The following KCNH4 variants were observed in gnomAD, a reference collection of about 807,000 sequenced individuals.
KCNH4 encodes the protein potassium voltage-gated channel subfamily H member 4.
KCNH4 carries 33 observed loss-of-function variants against 90.7 expected under a neutral mutation model. The observed-to-expected ratio is 0.36, with a 90% CI of 0.28 to 0.49. The LOEUF (loss-of-function observed/expected upper bound fraction) is 0.49, where lower values mean the gene tolerates loss of function less well. KCNH4 is among the 20% of genes least tolerant of loss of function. The pLI is 0.98. For synonymous variants in KCNH4, 551 were observed against 581.7 expected (o/e 0.95, Z 0.76); for missense variants, 1,044 against 1,387.1 (o/e 0.75, Z 3.93).
chr17:42,175,305 T>A (rs1008910095), intron 6 of KCNH4, among the ~76,000 whole-genome samples: 1 of 152,248 alleles, frequency 6.6e-6, no homozygotes, highest in African/African-American at 2.4e-5. Flanking sequence ...TACCACTCAT[T>A]TGGCATCAGA....
At chr17:42,164,065 G>T in intron 12 of KCNH4, 65 bp downstream of exon 12, 1 of 1,528,324 alleles carries the variant, frequency 6.5e-7, no homozygotes, top group African/African-American at 1.4e-5. Flanking sequence ...TGGAAAGGGG[G>T]ATGCTGCTAC....
chr17:42,180,953 G>A lies in KCNH4; in HGVS notation c.-8C>T. ...CCCCTTCATGACCGGCATGGCCCCG[G>A]GGCGTGGGTTCAAGGCGCGGCGCTG... On this transcript the variant is annotated 5_prime_UTR_variant, in exon 1 of 17. Transcript: ENST00000264661. This position sits in a 1 kb window ranked among gnomAD's most constrained non-coding sequence, Gnocchi z 4.7. 6.2e-7 allele frequency: 1 copy of A among 1,611,580 alleles called. No individual in the cohort carries two copies. Among genetic ancestry groups the A allele is most frequent in the Non-Finnish European group, 8.5e-7 (1 of 1,178,896 alleles).
rs375144149 is a variant in KCNH4, at chr17:42,180,989, A to G, written c.-44T>C. 36 of 1,583,056 alleles carry G rather than the reference A, an allele frequency of 2.3e-5. No homozygotes were observed. Among genetic ancestry groups the G allele is most frequent in the Non-Finnish European group, 2.9e-5 (34 of 1,160,040 alleles). On this transcript the variant is annotated 5_prime_UTR_variant, in exon 1 of 17. An upstream open reading frame in the 5' UTR loses its in-frame stop. Transcript: ENST00000264661. This position sits in a 1 kb window ranked among gnomAD's most constrained non-coding sequence, Gnocchi z 4.7. ...CAAGGCGCGGCGCTGGGGAGCTTTC[A>G]GCGCGGCCGGGCCGGAGGGGGCGCG...
At chr17:42,169,369 C>A in intron 9 of KCNH4, 108 bp downstream of exon 9, 1 of 1,055,082 alleles carries the variant, frequency 9.5e-7, no homozygotes, top group Non-Finnish European at 1.4e-6. Context: ...TGTGAGCAGC[C>A]GAGTTCGGCC....
Position 42,163,995 on chromosome 17 carries a change from T to G in KCNH4, c.2125-37A>C. On this transcript the variant is annotated intron_variant, in intron 12 of 16. Coordinates refer to ENST00000264661, the MANE Select transcript of KCNH4 (RefSeq NM_012285.3). This position sits in a 1 kb window ranked among gnomAD's most constrained non-coding sequence, Gnocchi z 5.4. ...GGGGGCAGCTGATGTCGCAGGACAG[T>G]GAACAACAGACCCCTTCATTAAGTA... 2 of 1,503,008 alleles carry G rather than the reference T, an allele frequency of 1.3e-6. No homozygotes were observed. The highest frequency in any genetic ancestry group is 1.8e-6 in the Non-Finnish European group (2 of 1,119,270). The allele number at this position is 1,503,008 out of a possible 1,614,324, so 93.1% of individuals were successfully genotyped here.
At chr17:42,167,213 GGCTT>G (rs2079794176) in intron 9 of KCNH4, among the ~76,000 whole-genome samples, 1 of 152,054 alleles carries the variant, frequency 6.6e-6, no homozygotes, top group South Asian at 2.1e-4. Flanking sequence ...CTGGCCCCAT[GGCTT>G]CCCTACTACC....
At chr17:42,161,722 G>A (rs376885244) in intron 15 of KCNH4, among the ~76,000 whole-genome samples, 9 of 152,312 alleles carry the variant, frequency 5.9e-5, no homozygotes, top group East Asian at 5.8e-4. Context: ...GAGCCAGTCG[G>A]GGAGGAAGGA....
chr17:42,180,969 C>A lies in KCNH4; in HGVS notation c.-24G>T, dbSNP rs375792699. On this transcript the variant is annotated 5_prime_UTR_variant, in exon 1 of 17. Coordinates refer to ENST00000264661, the MANE Select transcript of KCNH4 (RefSeq NM_012285.3). The surrounding 1 kb of genome is among the most constrained non-coding windows in gnomAD (Gnocchi z 4.7). ...ATGGCCCCGGGGCGTGGGTTCAAGG[C>A]GCGGCGCTGGGGAGCTTTCAGCGCG... The A allele has an allele frequency of 1.1e-5, 17 of 1,608,174 alleles. No individual in the cohort carries two copies. In the African/African-American group the frequency reaches 1.9e-4, roughly 18 times the overall value.
intron 9 of KCNH4, among the ~76,000 whole-genome samples, chr17:42,166,981 A>G (rs1288175313): frequency 3.9e-5 from 6 of 152,130 alleles, no homozygotes; most frequent in African/African-American, 1.4e-4. Flanking sequence ...GACCATGGGC[A>G]CTACCAATGA....
rs772738223 is a variant in KCNH4, at chr17:42,160,389, C to T, written c.2705G>A (p.Arg902Gln). 5.6e-6 allele frequency: 9 copies of T among 1,612,262 alleles called. No homozygotes were observed. Among genetic ancestry groups the T allele is most frequent in the South Asian group, 1.1e-5 (1 of 90,990 alleles). The change falls in exon 16 of 17, where the codon CGG becomes CAG. Residue 902 changes from arginine to glutamine, a missense_variant. Arg to Gln is a conservative substitution (Grantham distance 43). Transcript: ENST00000264661. Reference sequence around the variant, plus strand: ...GGCCTGCAGCAGGCCCATGATGTGCCGCAGCTCCCGGCTAAGCTGAGACAC... The same window carrying T: ...GGCCTGCAGCAGGCCCATGATGTGCTGCAGCTCCCGGCTAAGCTGAGACAC... The part of the protein sequence containing the change: ...QEVSQLSREL[R>Q]HIMGLLQARL...
At chr17:42,167,937 T>C (rs1598271880) in intron 9 of KCNH4, among the ~76,000 whole-genome samples, 2 of 152,308 alleles carry the variant, frequency 1.3e-5, no homozygotes, top group East Asian at 3.9e-4. Flanking sequence ...CTGCCCTGCC[T>C]TCTCCCTCCG....
In KCNH4 at chr17:42,178,874, C is replaced by T. The variant is rs1229134183; in HGVS notation, c.229G>A (p.Glu77Lys). ...CRFLYGPETSEPALQRLHKAL... is the reference protein window; with the variant it reads ...CRFLYGPETSKPALQRLHKAL... Reference sequence around the variant, plus strand: ...TTGTGCAGACGCTGCAGGGCTGGCTCACTGGTCTCTGGGCCGTAGAGGAAA... The same window carrying T: ...TTGTGCAGACGCTGCAGGGCTGGCTTACTGGTCTCTGGGCCGTAGAGGAAA... Residue 77 changes from glutamate to lysine, a missense_variant, in exon 2 of 17, where the codon GAG (glutamate) becomes AAG (lysine). This residue lies in a region of KCNH4 where 283 missense variants were observed against 378.6 expected (regional missense o/e 0.75). Coordinates refer to ENST00000264661, the MANE Select transcript of KCNH4 (RefSeq NM_012285.3). The T allele has an allele frequency of 4.3e-6, 7 of 1,614,082 alleles. No homozygotes were observed. The highest frequency in any genetic ancestry group is 3.3e-4 in the Middle Eastern group (2 of 6,082).
intron 7 of KCNH4, among the ~76,000 whole-genome samples, chr17:42,170,555 T>C (rs770963384): frequency 6.6e-6 from 1 of 152,240 alleles, no homozygotes; most frequent in Admixed American, 6.5e-5. Context: ...ACCTGCTGTA[T>C]ACAAAGTGTT....
intron 4 of KCNH4, 61 bp downstream of exon 4, chr17:42,178,039 G>A: frequency 6.3e-7 from 1 of 1,576,148 alleles, no homozygotes; most frequent in Non-Finnish European, 8.6e-7. Flanking sequence ...GACAGTGGCA[G>A]GGGTGCCTCA....
chr17:42,160,509 A>G, intron 15 of KCNH4, 74 bp from the exon 16 acceptor site: 2 of 1,472,894 alleles, frequency 1.4e-6, no homozygotes, highest in Non-Finnish European at 1.8e-6. Flanking sequence ...CCAGTTTACA[A>G]AGCTCTTTCG....
In KCNH4 at chr17:42,158,601, C is replaced by T. The variant is rs533001766; in HGVS notation, c.*309+1130G>A. On this transcript the variant is annotated intron_variant, in intron 16 of 16. Coordinates refer to ENST00000264661, the MANE Select transcript of KCNH4 (RefSeq NM_012285.3). ...TTGTAATCCCAGCACTTTGGGAGGA[C>T]GAGGCAGGCGGATCAGGAGGTCAGG... is the stretch of plus-strand genomic sequence containing the variant. Among the ~76,000 whole-genome samples the T allele has an allele frequency of 6.0e-5, 9 of 149,606 alleles. No individual in the cohort carries two copies. In the South Asian group the frequency reaches 1.9e-3, roughly 32 times the overall value.
intron 5 of KCNH4, 115 bp from the exon 6 acceptor site, chr17:42,175,851 G>A (rs1268437001): frequency 2.6e-5 from 36 of 1,374,530 alleles, no homozygotes; most frequent in Non-Finnish European, 3.4e-5. Flanking sequence ...GAGATAGATT[G>A]GGCTTCTGGC....
chr17:42,179,095 T>C (rs2079884433), intron 1 of KCNH4, 69 bp from the exon 2 acceptor site: 5 of 1,149,092 alleles, frequency 4.4e-6, no homozygotes, highest in Non-Finnish European at 6.4e-6. Flanking sequence ...GGGCAGCACT[T>C]CCTCTAAGTT....
At chr17:42,162,435 T>A in intron 14 of KCNH4, 114 bp from the exon 15 acceptor site, 1 of 824,690 alleles carries the variant, frequency 1.2e-6, no homozygotes, top group Non-Finnish European at 1.9e-6. Flanking sequence ...GACAAAGCTC[T>A]AGGGTCTGTA....
Sources: allele counts gnomAD v4.1 joint callset (sites outside exome capture counted in the v4.1 genomes callset), GRCh38; gene constraint gnomAD v4.1.1; regional missense constraint gnomAD v4.1.1; non-coding constraint Gnocchi (gnomAD v3.1); transcripts MANE v1.5; gene names NCBI Gene and HGNC (gene_info 2026-07-23, HGNC 2026-07-21).